RBL1: variants seen among roughly 807,000 people sequenced by gnomAD.
RBL1 encodes RB transcriptional corepressor like 1.
RBL1 carries 82 observed loss-of-function variants against 123.0 expected under a neutral mutation model. The ratio of observed to expected loss-of-function variants is 0.67; its 90% CI spans 0.56 to 0.80. RBL1 has a LOEUF of 0.80. RBL1 is among the 30% of genes least tolerant of loss of function. The probability of loss-of-function intolerance (pLI) is 0.00; values close to 1 mark genes in which losing one functional copy is unlikely to be tolerated. For synonymous variants in RBL1, 405 were observed against 441.3 expected, an observed-to-expected ratio of 0.92 and a Z score of 1.03; for missense variants, 1,171 against 1,299.6, an observed-to-expected ratio of 0.90 and a Z score of 1.52.
At chr20:37,016,902 A>AAAAAT (rs1430618145) in intron 19 of RBL1, among the ~76,000 whole-genome samples, 1 of 150,494 alleles carries the variant, frequency 6.6e-6, no homozygotes, top group Non-Finnish European at 1.5e-5. Flanking sequence ...AAAGAAAAGA[A>AAAAAT]AAAATAAAAG....
In RBL1 at chr20:37,003,867, C is replaced by A; in HGVS notation, c.2872-1G>T. The A allele has an allele frequency of 6.3e-7, 1 of 1,588,278 alleles. No homozygotes were observed. The highest frequency in any genetic ancestry group is 8.5e-7 in the Non-Finnish European group (1 of 1,170,160). On this transcript the variant is annotated splice_acceptor_variant, in intron 20 of 21. Transcript: ENST00000373664. LOFTEE classifies it high-confidence loss of function. ...AAGGAGAGAGTGGTGGAGCATCCAT[C>A]TAAAATAACCCAAAAGTCAGATTTT... is the stretch of plus-strand genomic sequence containing the variant.
intron 2 of RBL1, among the ~76,000 whole-genome samples, chr20:37,073,781 G>T (rs962329249): frequency 6.6e-6 from 1 of 150,986 alleles, no homozygotes; most frequent in East Asian, 1.9e-4. Context: ...CTACTCAGGA[G>T]TCTTAGGTGG....
intron 16 of RBL1, among the ~76,000 whole-genome samples, chr20:37,031,558 C>T (rs992951131): frequency 4.6e-5 from 7 of 152,114 alleles, no homozygotes; most frequent in Admixed American, 6.5e-5. Flanking sequence ...AAACACGAAA[C>T]GTTGGCAACG....
At chr20:37,002,463 C>A (rs1211982578) in intron 21 of RBL1, among the ~76,000 whole-genome samples, 2 of 149,668 alleles carry the variant, frequency 1.3e-5, no homozygotes, top group Non-Finnish European at 3.0e-5. Context: ...CCTGCCTCAG[C>A]CTCCCAAGTA....
chr20:37,082,862 C>A (rs1295010217), intron 2 of RBL1, among the ~76,000 whole-genome samples: 1 of 151,892 alleles, frequency 6.6e-6, no homozygotes, highest in Non-Finnish European at 1.5e-5. Context: ...ATTATCTGGG[C>A]ATAGTGGCAC....
At position 37,061,225 on chromosome 20, in the gene RBL1, A is replaced by G. The variant is rs1568868494; in HGVS notation, c.1128T>C (p.Tyr376=). The change falls in exon 9 of 22, where the codon TAT becomes TAC. Residue 376 remains tyrosine (Y), a synonymous_variant. Coordinates refer to ENST00000373664, the MANE Select transcript of RBL1 (RefSeq NM_002895.5). ...TAATGACTGCTTCTTTTTCTCGTAA[A>G]TATCTCCGTCCGGTCAGTGGGGTAG... ...APSTPLTGRR[Y]LREKEAVITP... The G allele has an allele frequency of 1.9e-6, 3 of 1,614,056 alleles. No individual in the cohort carries two copies. Among genetic ancestry groups the G allele is most frequent in the Non-Finnish European group, 1.7e-6 (2 of 1,179,992 alleles).
intron 2 of RBL1, among the ~76,000 whole-genome samples, chr20:37,082,369 T>A (rs1160040765): frequency 6.6e-6 from 1 of 152,162 alleles, no homozygotes; most frequent in African/African-American, 2.4e-5. Context: ...GAAATGGTGG[T>A]GGTGTTGGTT....
Position 37,095,869 on chromosome 20 carries a change from C to T in RBL1, c.60G>A (p.Ala20=), listed in dbSNP as rs989167445. 6.2e-7 allele frequency: 1 copy of T among 1,606,146 alleles called. No homozygotes were observed. The highest frequency in any genetic ancestry group is 2.2e-4 in the Middle Eastern group (1 of 4,566). Residue 20 remains alanine (A), a synonymous_variant, in exon 1 of 22, where the codon GCG becomes GCA. Transcript: ENST00000373664. ...GAAVVAAAGE[A]LQALCQELNL... ...TCAGCTCCTGGCACAGGGCCTGTAG[C>T]GCCTCCCCGGCTGCGGCGACCACCG...
At chr20:37,034,727 C>A (rs1363724559) in intron 15 of RBL1, among the ~76,000 whole-genome samples, 1 of 150,524 alleles carries the variant, frequency 6.6e-6, no homozygotes, top group African/African-American at 2.4e-5. Context: ...TAAGTCTAAA[C>A]AAACAGAGAG....
At chr20:37,070,978 C>T (rs566139199) in intron 2 of RBL1, among the ~76,000 whole-genome samples, 54 of 152,018 alleles carry the variant, frequency 3.6e-4, no homozygotes, top group Non-Finnish European at 6.6e-4. Flanking sequence ...TCACTGCAAC[C>T]TCTGCATCCC....
chr20:37,079,203 CA>C lies in RBL1; in HGVS notation c.290+9785del, dbSNP rs760548490. On this transcript the variant is annotated intron_variant, in intron 2 of 21. Coordinates refer to ENST00000373664, the MANE Select transcript of RBL1 (RefSeq NM_002895.5). ...CCACAGAGTAAGACCCTGTCTCAGC[CA>C]AAAAAAAAAAAAAAAAACCCTCAAA... Among the ~76,000 whole-genome samples the C allele has an allele frequency of 4.9e-3, 292 of 60,046 alleles. 1 individual carries two copies. The highest frequency in any genetic ancestry group is 0.02 in the Middle Eastern group (2 of 102). The allele number at this position is 60,046 out of a possible 152,430, so 39.4% of individuals were successfully genotyped here.
At chr20:37,054,570 C>CTGT (rs1407982551) in intron 11 of RBL1, among the ~76,000 whole-genome samples, 1 of 151,968 alleles carries the variant, frequency 6.6e-6, no homozygotes, top group East Asian at 1.9e-4. Flanking sequence ...TGGCTCATGG[C>CTGT]TGTAATCCTA....
chr20:37,068,451 AC>A (rs1050630261), intron 2 of RBL1, among the ~76,000 whole-genome samples: 3 of 151,764 alleles, frequency 2.0e-5, no homozygotes, highest in African/African-American at 7.3e-5. Flanking sequence ...TCAATCATGT[AC>A]TCCAGCCCGG....
chr20:37,031,580 T>C (rs917456515), intron 16 of RBL1, among the ~76,000 whole-genome samples: 1 of 152,172 alleles, frequency 6.6e-6, no homozygotes, highest in Non-Finnish European at 1.5e-5. Flanking sequence ...TGAGAAGAAC[T>C]TGGAACACTT....
At chr20:37,011,590 A>G (rs1207274539) in intron 19 of RBL1, among the ~76,000 whole-genome samples, 1 of 151,914 alleles carries the variant, frequency 6.6e-6, no homozygotes, top group East Asian at 1.9e-4. Flanking sequence ...GCTTACCACC[A>G]TGCCTGGCTA....
intron 19 of RBL1, among the ~76,000 whole-genome samples, chr20:37,012,300 G>A (rs1223372126): frequency 1.3e-5 from 2 of 152,028 alleles, no homozygotes; most frequent in Admixed American, 6.6e-5. Flanking sequence ...TCTGGGAAGT[G>A]AGGAGCGTCT....
Position 37,040,216 on chromosome 20 carries a change from T to C in RBL1, c.1840A>G (p.Met614Val), listed in dbSNP as rs375434002. The change falls in exon 14 of 22, where the codon ATG becomes GTG. Residue 614 changes from methionine (M) to valine (V), a missense_variant. Coordinates refer to ENST00000373664, the MANE Select transcript of RBL1 (RefSeq NM_002895.5). Reference sequence around the variant, plus strand: ...ACTCTTGGGTGCATTAGAGGAGACATTGGCATCAGGGGAAGATGTCCCTGC... The same window carrying C: ...ACTCTTGGGTGCATTAGAGGAGACACTGGCATCAGGGGAAGATGTCCCTGC... ...NVQGHLPLMP[M>V]SPLMHPRVKE... 131 of 1,614,024 alleles carry C rather than the reference T, an allele frequency of 8.1e-5. 1 individual carries two copies. The highest frequency in any genetic ancestry group is 4.4e-4 in the South Asian group (40 of 91,090).
chr20:36,999,003 T>A (rs1600423631), intron 21 of RBL1, 74 bp from the exon 22 acceptor site: 2 of 1,415,976 alleles, frequency 1.4e-6, no homozygotes, highest in African/African-American at 1.4e-5. Context: ...AAGCTAATTG[T>A]TTTTTCCTGT....
In RBL1 at chr20:37,062,124, T is replaced by C; in HGVS notation, c.1043A>G (p.Gln348Arg). 6.2e-7 allele frequency: 1 copy of C among 1,614,208 alleles called. No individual in the cohort carries two copies. The highest frequency in any genetic ancestry group is 8.5e-7 in the Non-Finnish European group (1 of 1,180,038). The stretch of plus-strand genomic sequence containing the variant: ...TTGAAGGTTATACTCCACATTAGCC[T>C]GTGCTGTCAGTTTCCCTAATGGGGT... ...RDTPLGKLTAQANVEYNLQQH... is the reference protein window; with the variant it reads ...RDTPLGKLTARANVEYNLQQH... The change falls in exon 8 of 22, where the codon CAG becomes CGG. Residue 348 changes from glutamine (Q) to arginine (R), a missense_variant. Transcript: ENST00000373664.
Sources: gnomAD v4.1 joint callset for allele counts (sites outside exome capture counted in the v4.1 genomes callset) on GRCh38, gnomAD v4.1.1 for gene constraint, MANE v1.5 for transcripts, NCBI Gene and HGNC (gene_info 2026-07-23, HGNC 2026-07-21) for gene names.